CD163L1: variants seen among roughly 807,000 people sequenced by gnomAD.
The protein encoded by CD163L1 is scavenger receptor cysteine-rich type 1 protein M160.
CD163L1 carries 124 observed loss-of-function variants against 165.4 expected under a neutral mutation model. That is an observed-to-expected ratio of 0.75 (90% CI 0.65 to 0.87). The LOEUF (loss-of-function observed/expected upper bound fraction) is 0.87. Among genes scored for constraint, CD163L1 ranks in the 40% least tolerant of loss-of-function variants. CD163L1 has a pLI of 0.00. For missense variants in CD163L1, 1,525 were observed against 1,799.9 expected, an observed-to-expected ratio of 0.85 and a Z score of 2.76; for synonymous variants, 585 against 662.2, an observed-to-expected ratio of 0.88 and a Z score of 1.79.
chr12:7,406,449 T>C, intron 5 of CD163L1, 83 bp downstream of exon 5: 1 of 1,294,642 alleles, frequency 7.7e-7, no homozygotes, highest in Non-Finnish European at 1.1e-6. Flanking sequence ...ACATCACAAT[T>C]GGTTGTAACT....
At chr12:7,345,973 A>G (rs1017821591), downstream of CD163L1, among the ~76,000 whole-genome samples, 2 of 152,200 alleles carry the variant, frequency 1.3e-5, no homozygotes, top group African/African-American at 4.8e-5. Context: ...GCACCAAGAC[A>G]TGAAGGATCT....
At chr12:7,389,024 G>A (rs1947585920) in intron 8 of CD163L1, among the ~76,000 whole-genome samples, 1 of 152,164 alleles carries the variant, frequency 6.6e-6, no homozygotes, top group South Asian at 2.1e-4. Flanking sequence ...CACTTAGATT[G>A]CTTCCAAATC....
chr12:7,331,112 T>G, the CD163L1 span, among the ~76,000 whole-genome samples: 1 of 152,212 alleles, frequency 6.6e-6, no homozygotes, highest in Admixed American at 6.5e-5. Flanking sequence ...CCAATGGGCT[T>G]AACAAATGGC....
In CD163L1 at chr12:7,369,224, AGTTT is replaced by A. The variant is rs1233947128; in HGVS notation, c.4039+129_4039+132del. The stretch of plus-strand genomic sequence containing the variant: ...TCTTATTTAGTTGTGGAAAAACGTT[AGTTT>A]AACATAGCCTTTCATTCTTCAACAA... On this transcript the variant is annotated intron_variant, in intron 15 of 19. Transcript: ENST00000313599. This position sits in a 1 kb window ranked among gnomAD's most constrained non-coding sequence, Gnocchi z 4.9. The A allele has an allele frequency of 2.0e-6, 2 of 1,014,600 alleles. No homozygotes were observed. Among genetic ancestry groups the A allele is most frequent in the African/African-American group, 3.2e-5 (2 of 62,234 alleles). The allele number at this position is 1,014,600 out of a possible 1,614,324, so 62.8% of individuals were successfully genotyped here. A position where few individuals can be genotyped will look rare whatever the true frequency, so the allele number is the denominator to read the frequency against.
At chr12:7,427,050 T>C (rs1413458585) in intron 4 of CD163L1, among the ~76,000 whole-genome samples, 2 of 151,994 alleles carry the variant, frequency 1.3e-5, no homozygotes, top group Non-Finnish European at 2.9e-5. Context: ...CACCTAAACA[T>C]ATAAAGCGAA....
chr12:7,338,960 T>C, the CD163L1 span, among the ~76,000 whole-genome samples: 1 of 152,188 alleles, frequency 6.6e-6, no homozygotes, highest in African/African-American at 2.4e-5. Flanking sequence ...GTATTTTTTC[T>C]TTTTGCCATG....
chr12:7,401,687 A>C (rs767493559), intron 6 of CD163L1, among the ~76,000 whole-genome samples: 1 of 152,260 alleles, frequency 6.6e-6, no homozygotes, highest in South Asian at 2.1e-4. Context: ...GCCATGTGGA[A>C]TATGTCTGTG....
intron 5 of CD163L1, among the ~76,000 whole-genome samples, chr12:7,404,910 C>G (rs1271606779): frequency 6.6e-6 from 1 of 152,046 alleles, no homozygotes; most frequent in Non-Finnish European, 1.5e-5. Flanking sequence ...TTGATTTATA[C>G]AGGGTCACAT....
Position 7,398,334 on chromosome 12 carries a change from C to T in CD163L1, c.1659G>A (p.Trp553Ter), listed in dbSNP as rs1947821203. The T allele has an allele frequency of 1.2e-6, 2 of 1,614,124 alleles. No individual in the cohort carries two copies. The highest frequency in any genetic ancestry group is 1.7e-6 in the Non-Finnish European group (2 of 1,180,000). Residue 553 changes from tryptophan (W) to a stop codon, truncating the protein, a stop_gained, in exon 7 of 20, where the codon TGG (tryptophan) becomes TGA (stop). Coordinates refer to ENST00000313599, the MANE Select transcript of CD163L1 (RefSeq NM_174941.6). LOFTEE classifies it high-confidence loss of function. This position sits in a 1 kb window ranked among gnomAD's most constrained non-coding sequence, Gnocchi z 4.5. ...VSCIGNESNI[W>*]DCEHSGWGKH... is the part of the protein sequence containing the mutation. ...TTCCCCATCCACTGTGTTCACAGTCCCAGATATTTGACTCATTTCCAATGC... is the reference window on the plus strand; with the variant it reads ...TTCCCCATCCACTGTGTTCACAGTCTCAGATATTTGACTCATTTCCAATGC...
intron 18 of CD163L1, among the ~76,000 whole-genome samples, chr12:7,358,791 T>A (rs937388628): frequency 2.6e-5 from 4 of 152,010 alleles, no homozygotes; most frequent in Non-Finnish European, 4.4e-5. Context: ...GTTGAAATGA[T>A]CACACCAGAA....
chr12:7,373,564 C>T lies in CD163L1; in HGVS notation c.3486G>A (p.Gly1162=), dbSNP rs995333837. The change falls in exon 14 of 20, where the codon GGG becomes GGA. Residue 1162 remains glycine, a synonymous_variant. Transcript: ENST00000313599. The part of the protein sequence containing the change: ...CAGRLEVFYN[G]TWGSVGRRNI... ...TCCTCCTGCCGACGCTGCCCCAGGT[C>T]CCGTTATAGAAGACTTCCAATCTCC... 11 of 1,613,758 alleles carry T rather than the reference C, an allele frequency of 6.8e-6. No homozygotes were observed. In the African/African-American group the frequency reaches 1.2e-4, roughly 18 times the overall value.
At chr12:7,439,993 G>C in intron 2 of CD163L1, 1 of 1,539,186 alleles carries the variant, frequency 6.5e-7, no homozygotes, top group Non-Finnish European at 8.8e-7. Flanking sequence ...CTCCATCCTA[G>C]CAGCTCCGCA....
intron 9 of CD163L1, among the ~76,000 whole-genome samples, 193 bp downstream of exon 9, chr12:7,378,785 A>AAG (rs1947323765): frequency 6.6e-6 from 1 of 152,136 alleles, no homozygotes; most frequent in Admixed American, 6.6e-5. Context: ...TACTTCACGC[A>AAG]ATTTTAAATA....
intron 8 of CD163L1, among the ~76,000 whole-genome samples, chr12:7,392,441 T>G (rs2136483304): frequency 6.6e-6 from 1 of 151,866 alleles, no homozygotes; most frequent in East Asian, 1.9e-4. Flanking sequence ...AGAGGGAAAT[T>G]TATAGCACTA....
downstream of CD163L1, among the ~76,000 whole-genome samples, chr12:7,350,426 G>C (rs1946699178): frequency 6.6e-6 from 1 of 152,156 alleles, no homozygotes; most frequent in Non-Finnish European, 1.5e-5. Flanking sequence ...GAATTCTGGG[G>C]TTGCCAGTTC....
At position 7,367,289 on chromosome 12, in the gene CD163L1, T is replaced by C; in HGVS notation, c.4226A>G (p.His1409Arg). ...RRGSLEENLF[H>R]EMETCLKRED... Reference sequence around the variant, plus strand: ...TCTCTTGAGGCAGGTCTCCATCTCATGGAATAAATTCTCCTCGAGAGAACC... The same window carrying C: ...TCTCTTGAGGCAGGTCTCCATCTCACGGAATAAATTCTCCTCGAGAGAACC... The change falls in exon 18 of 20, where the codon CAT (histidine) becomes CGT (arginine). Residue 1409 changes from histidine to arginine, a missense_variant. Coordinates refer to ENST00000313599, the MANE Select transcript of CD163L1 (RefSeq NM_174941.6). 7 of 1,613,578 alleles carry C rather than the reference T, an allele frequency of 4.3e-6. No individual in the cohort carries two copies. Among genetic ancestry groups the C allele is most frequent in the Non-Finnish European group, 5.9e-6 (7 of 1,179,598 alleles).
chr12:7,434,854 G>A (rs1054062502), intron 2 of CD163L1, among the ~76,000 whole-genome samples: 1 of 152,156 alleles, frequency 6.6e-6, no homozygotes, highest in African/African-American at 2.4e-5. Flanking sequence ...AAAGTGGATT[G>A]TGAGTTAACC....
Position 7,378,608 on chromosome 12 carries a change from C to T in CD163L1, c.2371+370G>A, listed in dbSNP as rs192189398. Among the ~76,000 whole-genome samples, 41 of 151,892 alleles carry T rather than the reference C, an allele frequency of 2.7e-4. No individual in the cohort carries two copies. In the Middle Eastern group the frequency reaches 0.01, roughly 38 times the overall value. ...CAAGCTTATTCCCAGGTGTGTTACT[C>T]GAATAAAATACTACTGTTTAAATTA... On this transcript the variant is annotated intron_variant, in intron 9 of 19. Transcript: ENST00000313599.
chr12:7,374,381 T>G lies in CD163L1; in HGVS notation c.3409+61A>C. ...TTTTCACTACACTTTACAATTGTGT[T>G]GTGTGTGTGCAAGTGTGTGCACGTG... is the stretch of plus-strand genomic sequence containing the variant. On this transcript the variant is annotated intron_variant, in intron 13 of 19. Transcript: ENST00000313599. The surrounding 1 kb of genome is among the most constrained non-coding windows in gnomAD (Gnocchi z 5.4). 6.7e-7 allele frequency: 1 copy of G among 1,481,626 alleles called. No homozygotes were observed. Among genetic ancestry groups the G allele is most frequent in the Non-Finnish European group, 9.1e-7 (1 of 1,095,814 alleles). 91.8% of individuals were successfully genotyped at this position (1,481,626 alleles called of 1,614,324 possible). A position where few individuals can be genotyped will look rare whatever the true frequency, so the allele number is the denominator to read the frequency against.
Sources: gnomAD v4.1 joint callset for allele counts (sites outside exome capture counted in the v4.1 genomes callset) on GRCh38, gnomAD v4.1.1 for gene constraint, Gnocchi (gnomAD v3.1) non-coding constraint, MANE v1.5 for transcripts, NCBI Gene and HGNC (gene_info 2026-07-23, HGNC 2026-07-21) for gene names.